Variants in SUPT3H observed in about 807,000 individuals in gnomAD.
SUPT3H encodes transcription initiation protein SPT3 homolog.
A neutral mutation model predicts 44.3 loss-of-function variants in SUPT3H; 44 were observed. That is an observed-to-expected ratio of 0.99 (90% CI 0.78 to 1.28). SUPT3H has a LOEUF of 1.28. SUPT3H is among the 50% of genes most tolerant of loss of function. The pLI is 0.00. For missense variants in SUPT3H, 380 were observed against 387.1 expected (o/e 0.98, Z 0.15); for synonymous variants, 124 against 125.6 (o/e 0.99, Z 0.09).
At chr6:45,036,139 C>A (rs1041194810) in intron 3 of SUPT3H, among the ~76,000 whole-genome samples, 2 of 152,222 alleles carry the variant, frequency 1.3e-5, no homozygotes, top group South Asian at 4.2e-4. Context: ...TGAAGCTTAT[C>A]GTTTAGTGGT....
chr6:45,251,094 G>A (rs1772294262), intron 2 of SUPT3H: 1 of 152,078 alleles, frequency 6.6e-6, no homozygotes, highest in South Asian at 2.1e-4. Flanking sequence ...ACAGGTGTTA[G>A]CCACCGTTCC....
intron 3 of SUPT3H, among the ~76,000 whole-genome samples, chr6:45,100,325 C>T (rs948806332): frequency 1.3e-5 from 2 of 151,524 alleles, no homozygotes; most frequent in African/African-American, 2.4e-5. Context: ...TGAATTTCTT[C>T]GGACAAGGGA....
chr6:45,121,374 A>G (rs2153579373), intron 2 of SUPT3H, among the ~76,000 whole-genome samples: 1 of 152,324 alleles, frequency 6.6e-6, no homozygotes, highest in Admixed American at 6.5e-5. Flanking sequence ...AGAGGTTTCC[A>G]GGATTCAAAC....
chr6:45,116,209 G>GCCTC (rs1237277907), intron 2 of SUPT3H, among the ~76,000 whole-genome samples: 3 of 151,990 alleles, frequency 2.0e-5, no homozygotes, highest in Admixed American at 6.6e-5. Flanking sequence ...AGTCAGCCTA[G>GCCTC]CCTCCCTTCC....
chr6:45,137,347 A>G (rs1804461749), intron 2 of SUPT3H, among the ~76,000 whole-genome samples: 1 of 152,072 alleles, frequency 6.6e-6, no homozygotes, highest in Admixed American at 6.6e-5. Context: ...AAAAAGTTAA[A>G]TATGGGGGTA....
intron 6 of SUPT3H, among the ~76,000 whole-genome samples, chr6:44,981,464 C>T (rs1779083347): frequency 6.6e-6 from 1 of 152,310 alleles, no homozygotes; most frequent in South Asian, 2.1e-4. Context: ...CCAATACATT[C>T]TGTATATCAA....
intron 3 of SUPT3H, among the ~76,000 whole-genome samples, chr6:45,036,670 C>T (rs1459990127): frequency 1.3e-5 from 2 of 152,086 alleles, no homozygotes; most frequent in Admixed American, 1.3e-4. Flanking sequence ...AGTTTTCACA[C>T]ACAGCCAAAC....
At chr6:45,264,935 G>A (rs1562822969) in intron 2 of SUPT3H, among the ~76,000 whole-genome samples, 2 of 152,042 alleles carry the variant, frequency 1.3e-5, no homozygotes, top group Non-Finnish European at 2.9e-5. Context: ...CCGAACAAAT[G>A]TAAAAAGGAT....
chr6:44,889,933 C>G (rs535628933), intron 10 of SUPT3H, among the ~76,000 whole-genome samples: 1 of 147,628 alleles, frequency 6.8e-6, no homozygotes, highest in East Asian at 1.9e-4. Flanking sequence ...ACAAACAACC[C>G]CATCAAAAAG....
At chr6:45,054,847 G>A (rs141467348) in intron 3 of SUPT3H, among the ~76,000 whole-genome samples, 61 of 152,184 alleles carry the variant, frequency 4.0e-4, no homozygotes, top group Admixed American at 1.3e-3. Flanking sequence ...AACTTTGAAT[G>A]TGTGCCCTAA....
intron 2 of SUPT3H, among the ~76,000 whole-genome samples, chr6:45,309,604 C>G (rs1455817365): frequency 1.3e-5 from 2 of 151,670 alleles, no homozygotes; most frequent in Non-Finnish European, 2.9e-5. Flanking sequence ...GAAAATGTCC[C>G]AAATCTGAAG....
chr6:44,910,837 A>ATT lies in SUPT3H; in HGVS notation c.912+21815_912+21816insAA, dbSNP rs1269004444. Among the ~76,000 whole-genome samples the ATT allele has an allele frequency of 6.5e-3, 986 of 151,916 alleles. 11 individuals are homozygous for ATT. Among genetic ancestry groups the ATT allele is most frequent in the African/African-American group, 0.022 (931 of 41,462 alleles). On this transcript the variant is annotated intron_variant, in intron 10 of 10. Transcript: ENST00000371459. ...GGTGAAACCCCATCTTCACTAAAAA[A>ATT]TACAAAAATTAGCCAGGTATGATGG...
At chr6:45,322,891 A>G (rs1785738681) in intron 2 of SUPT3H, 1 of 1,612,932 alleles carries the variant, frequency 6.2e-7, no homozygotes, top group African/African-American at 1.3e-5. Flanking sequence ...GTCAAAGTTG[A>G]AGAACGTTGT....
intron 1 of SUPT3H, among the ~76,000 whole-genome samples, chr6:45,369,738 C>T (rs1012966947): frequency 6.6e-5 from 10 of 152,086 alleles, no homozygotes; most frequent in African/African-American, 2.4e-4. Flanking sequence ...ATAGTAGTGA[C>T]TAAGTCAGAC....
intron 10 of SUPT3H, among the ~76,000 whole-genome samples, chr6:44,930,192 C>T (rs897134513): frequency 6.6e-6 from 1 of 152,102 alleles, no homozygotes; most frequent in Non-Finnish European, 1.5e-5. Context: ...TCCTGGCTAA[C>T]ATGGTGAAAC....
chr6:45,360,802 C>A (rs958482895), intron 2 of SUPT3H, among the ~76,000 whole-genome samples: 3 of 152,164 alleles, frequency 2.0e-5, no homozygotes, highest in South Asian at 4.1e-4. Flanking sequence ...AGGAAGCGGG[C>A]AGAACTACAG....
At position 45,212,332 on chromosome 6, in the gene SUPT3H, T is replaced by C. The variant is rs149096495; in HGVS notation, c.102-106326A>G. Among the ~76,000 whole-genome samples, 7 of 152,290 alleles carry C rather than the reference T, an allele frequency of 4.6e-5. No individual in the cohort carries two copies. In the East Asian group the frequency reaches 1.4e-3, roughly 29 times the overall value. ...AGGGTTGGAATTTTACTTCTTTTCA[T>C]TCTTCTTGTTTAAAATGAAAAATGT... On this transcript the variant is annotated intron_variant, in intron 2 of 10. Transcript: ENST00000371459.
intron 3 of SUPT3H, among the ~76,000 whole-genome samples, chr6:45,025,994 G>A (rs1392602820): frequency 6.6e-6 from 1 of 152,054 alleles, no homozygotes; most frequent in Non-Finnish European, 1.5e-5. Context: ...TTTAGGTTTT[G>A]CCTAAGACCT....
intron 2 of SUPT3H, among the ~76,000 whole-genome samples, chr6:45,309,055 T>G (rs1313075473): frequency 1.3e-5 from 2 of 151,130 alleles, no homozygotes; most frequent in African/African-American, 2.4e-5. Context: ...AAAATATGCA[T>G]ATAAGCTAGC....
Sources: allele counts gnomAD v4.1 joint callset (sites outside exome capture counted in the v4.1 genomes callset), GRCh38; gene constraint gnomAD v4.1.1; transcripts MANE v1.5; gene names NCBI Gene and HGNC (gene_info 2026-07-23, HGNC 2026-07-21).